TET3: variants seen among roughly 807,000 people sequenced by gnomAD.
TET3 encodes the protein methylcytosine dioxygenase TET3.
TET3 carries 19 observed loss-of-function variants against 141.4 expected under a neutral mutation model. The observed-to-expected ratio is 0.13, with a 90% confidence interval of 0.09 to 0.20. The LOEUF (loss-of-function observed/expected upper bound fraction) is 0.20, where lower values mean the gene tolerates loss of function less well. Among genes scored for constraint, TET3 ranks in the 10% least tolerant of loss-of-function variants. The pLI is 1.00. For missense variants in TET3, 1,874 were observed against 2,356.9 expected (o/e 0.80, Z 4.24); for synonymous variants, 1,043 against 980.9 (o/e 1.06, Z -1.18).
the TET3 span, among the ~76,000 whole-genome samples, chr2:74,118,686 C>A: frequency 1.3e-5 from 2 of 151,818 alleles, no homozygotes; most frequent in Admixed American, 1.3e-4. Flanking sequence ...AATACACATA[C>A]ACACACACAT....
At chr2:74,021,257 GGTGCTGA>G (rs1185755868) in intron 3 of TET3, among the ~76,000 whole-genome samples, 5 of 152,174 alleles carry the variant, frequency 3.3e-5, no homozygotes, top group Non-Finnish European at 7.3e-5. Context: ...GCTTTCTCAG[GGTGCTGA>G]GCAGAGACTC....
intron 3 of TET3, among the ~76,000 whole-genome samples, chr2:74,023,654 C>G (rs6546887): frequency 0.4 from 60,341 of 152,126 alleles, 15,015 homozygotes; most frequent in African/African-American, 0.71. Context: ...TGGTGACTTC[C>G]AGACAGTGGC....
At chr2:74,038,748 G>C (rs1280730116) in intron 3 of TET3, among the ~76,000 whole-genome samples, 1 of 152,178 alleles carries the variant, frequency 6.6e-6, no homozygotes, top group Non-Finnish European at 1.5e-5. Flanking sequence ...AGGTTTTGAA[G>C]GTGTGGCAGA....
At position 74,092,941 on chromosome 2, in the gene TET3, G is replaced by A. The variant is rs780799530; in HGVS notation, c.3079G>A (p.Glu1027Lys). 8.2e-6 allele frequency: 13 copies of A among 1,589,928 alleles called. No individual in the cohort carries two copies. Among genetic ancestry groups the A allele is most frequent in the Middle Eastern group, 1.7e-4 (1 of 6,060 alleles). Reference protein sequence around the residue: ...LRKSFQDLATEVAPLYKRLAP... With the variant: ...LRKSFQDLATKVAPLYKRLAP... ...GAAGAGTTTCCAGGACCTGGCCACC[G>A]AAGTCGCTCCCCTGTACAAGCGACT... Residue 1027 changes from glutamate to lysine, a missense_variant, in exon 9 of 12, where the codon GAA becomes AAA. Coordinates refer to ENST00000409262, the MANE Select transcript of TET3 (RefSeq NM_001287491.2).
At chr2:74,126,328 TC>T in the TET3 span, among the ~76,000 whole-genome samples, 1 of 152,164 alleles carries the variant, frequency 6.6e-6, no homozygotes, top group African/African-American at 2.4e-5. Context: ...TAGTTCTGTT[TC>T]AGGCAGAGGT....
At chr2:74,073,795 T>C in intron 5 of TET3, 156 bp downstream of exon 5, 1 of 549,722 alleles carries the variant, frequency 1.8e-6, no homozygotes, top group Non-Finnish European at 3.1e-6. Flanking sequence ...GGATCCTCAC[T>C]TCCATTGTTT....
At chr2:74,080,467 T>C in intron 5 of TET3, 31 bp from the exon 6 acceptor site, 1 of 1,592,836 alleles carries the variant, frequency 6.3e-7, no homozygotes, top group Non-Finnish European at 8.6e-7. Flanking sequence ...GGTTCTGCTG[T>C]GCTAATGGTG....
At chr2:73,999,981 G>A (rs1022109980) in intron 2 of TET3, among the ~76,000 whole-genome samples, 1 of 152,164 alleles carries the variant, frequency 6.6e-6, no homozygotes, top group African/African-American at 2.4e-5. Flanking sequence ...GCCGAGGGCT[G>A]CTGGAAGGCA....
chr2:74,001,426 A>G (rs1377765759), intron 2 of TET3, among the ~76,000 whole-genome samples: 1 of 152,186 alleles, frequency 6.6e-6, no homozygotes, highest in Non-Finnish European at 1.5e-5. Context: ...TCTTCCAGAA[A>G]TTGATTCACC....
At chr2:73,984,859 C>A (rs1200240295), upstream of TET3, among the ~76,000 whole-genome samples, 4 of 147,648 alleles carry the variant, frequency 2.7e-5, no homozygotes, top group Non-Finnish European at 6.0e-5. The surrounding 1 kb of genome is among the most constrained non-coding windows in gnomAD (Gnocchi z 5.6). Flanking sequence ...TGCGCCCTCC[C>A]GGGCGGGGGA....
chr2:74,053,160 ATATT>A (rs1347839118), intron 4 of TET3, among the ~76,000 whole-genome samples: 1 of 152,234 alleles, frequency 6.6e-6, no homozygotes, highest in African/African-American at 2.4e-5. Context: ...AGCTTTGAGA[ATATT>A]TATCACAAGT....
Position 73,986,047 on chromosome 2 carries a change from C to T in TET3, c.-357C>T, listed in dbSNP as rs916219101. ...ACCAGGAGAAACTGCTCACTCAGCT[C>T]TGCCCCCACCACACCCCTACCTGCT... On this transcript the variant is annotated 5_prime_UTR_variant, in exon 2 of 12. Transcript: ENST00000409262. 2.0e-5 allele frequency: 4 copies of T among 197,736 alleles called. No individual in the cohort carries two copies. Among genetic ancestry groups the T allele is most frequent in the African/African-American group, 9.2e-5 (4 of 43,302 alleles). 12.2% of individuals were successfully genotyped at this position (197,736 alleles called of 1,614,324 possible).
chr2:74,017,491 A>G (rs1193952782), intron 3 of TET3, among the ~76,000 whole-genome samples: 1 of 152,124 alleles, frequency 6.6e-6, no homozygotes, highest in East Asian at 1.9e-4. Flanking sequence ...AACATGTGGT[A>G]TTTATCTTTC....
intron 2 of TET3, among the ~76,000 whole-genome samples, chr2:74,001,851 T>C (rs1573654828): frequency 6.6e-6 from 1 of 151,960 alleles, no homozygotes; most frequent in Non-Finnish European, 1.5e-5. Flanking sequence ...AGCCCTGAGG[T>C]CTGGGGACCC....
chr2:74,088,110 G>C lies in TET3; in HGVS notation c.2888+72G>C, dbSNP rs1347247406. 3 of 1,467,920 alleles carry C rather than the reference G, an allele frequency of 2.0e-6. No homozygotes were observed. In the African/African-American group the frequency reaches 4.2e-5, roughly 21 times the overall value. 90.9% of individuals were successfully genotyped at this position (1,467,920 alleles called of 1,614,324 possible). The stretch of plus-strand genomic sequence containing the variant: ...GGGCAGCAAATACAGGAGACTGCAG[G>C]CAACCCTGGGGAAGGCTCCTAGGGG... On this transcript the variant is annotated intron_variant, in intron 7 of 11. Transcript: ENST00000409262.
chr2:74,133,927 T>C, the TET3 span, among the ~76,000 whole-genome samples: 1 of 152,076 alleles, frequency 6.6e-6, no homozygotes, highest in East Asian at 1.9e-4. Flanking sequence ...GTATTTTCAG[T>C]AGAGACGGGG....
chr2:74,037,791 T>C (rs948759328), intron 3 of TET3, among the ~76,000 whole-genome samples: 4 of 152,230 alleles, frequency 2.6e-5, no homozygotes, highest in African/African-American at 9.6e-5. Flanking sequence ...CAATCAGGAC[T>C]TTGCTCTTTC....
At chr2:73,993,237 C>G (rs1017562194) in intron 2 of TET3, 1 of 152,216 alleles carries the variant, frequency 6.6e-6, no homozygotes, top group Non-Finnish European at 1.5e-5. Context: ...GTGATGGGCA[C>G]CTACCTGGAC....
chr2:74,110,685 A>G (rs992714555), downstream of TET3, among the ~76,000 whole-genome samples: 1 of 152,146 alleles, frequency 6.6e-6, no homozygotes, highest in Admixed American at 6.5e-5. Flanking sequence ...TCTACTGAGA[A>G]GCCCAACCCC....
Sources: allele counts gnomAD v4.1 joint callset (sites outside exome capture counted in the v4.1 genomes callset), GRCh38; gene constraint gnomAD v4.1.1; non-coding constraint Gnocchi (gnomAD v3.1); transcripts MANE v1.5; gene names NCBI Gene and HGNC (gene_info 2026-07-23, HGNC 2026-07-21).